The following LMF1 variants were observed in gnomAD, a reference collection of about 807,000 sequenced individuals.
LMF1 encodes the protein lipase maturation factor 1.
A neutral mutation model predicts 60.6 loss-of-function variants in LMF1; 68 were observed. The observed-to-expected ratio is 1.12, with a 90% CI of 0.92 to 1.37. LMF1 has a LOEUF of 1.37. Among genes scored for constraint, LMF1 ranks in the 40% most tolerant of loss-of-function variants. The pLI, the probability that LMF1 is intolerant of heterozygous loss-of-function variation, is 0.00. For missense variants in LMF1, 948 were observed against 767.2 expected, an observed-to-expected ratio of 1.24 and a Z score of -2.78; for synonymous variants, 418 against 324.7, an observed-to-expected ratio of 1.29 and a Z score of -3.09.
Position 947,508 on chromosome 16 carries a change from C to T in LMF1, c.503+6849G>A, listed in dbSNP as rs1051039083. On this transcript the variant is annotated intron_variant, in intron 2 of 10. Transcript: ENST00000262301. ...CTCCCAGCGTCCCCTCCAGCCCTGG[C>T]GCTGCTCTCAGTACTCTTTGAAGTG... 1.2e-4 allele frequency: 56 copies of T among 456,098 alleles called. 1 individual carries two copies. Among genetic ancestry groups the T allele is most frequent in the South Asian group, 3.3e-4 (21 of 64,566 alleles). 28.3% of individuals were successfully genotyped at this position (456,098 alleles called of 1,614,324 possible).
In LMF1 at chr16:970,775, G is replaced by T; in HGVS notation, c.193+13C>A. 1.1e-5 allele frequency: 16 copies of T among 1,514,684 alleles called. No individual in the cohort carries two copies. The highest frequency in any genetic ancestry group is 1.4e-5 in the Non-Finnish European group (16 of 1,127,254). 93.8% of individuals were successfully genotyped at this position (1,514,684 alleles called of 1,614,324 possible). A position where few individuals can be genotyped will look rare whatever the true frequency, so the allele number is the denominator to read the frequency against. ...TGACACTGGCGGATGTCCCGGGCCC[G>T]CCCGGCACTCACAGTACACGAAGGC... On this transcript the variant is annotated intron_variant, in intron 1 of 10. Transcript: ENST00000262301.
intron 10 of LMF1, among the ~76,000 whole-genome samples, chr16:857,211 T>C (rs1176857688): frequency 6.6e-6 from 1 of 152,264 alleles, no homozygotes; most frequent in Non-Finnish European, 1.5e-5. Flanking sequence ...CTGTGACGGC[T>C]GCCGTAAACC....
At chr16:929,559 G>C (rs35712783) in intron 3 of LMF1, among the ~76,000 whole-genome samples, 4,921 of 152,338 alleles carry the variant, frequency 0.032, 134 homozygotes, top group African/African-American at 0.052. Flanking sequence ...AGGGCGGCTG[G>C]AAGCTCGAGA....
chr16:855,026 G>A (rs1373923224), intron 10 of LMF1: 3 of 458,270 alleles, frequency 6.5e-6, no homozygotes, highest in African/African-American at 2.0e-5. Flanking sequence ...GGGTGGCACT[G>A]AGCAAGCCTG....
chr16:859,802 C>T (rs1190544073), intron 10 of LMF1, among the ~76,000 whole-genome samples: 1 of 102,032 alleles, frequency 9.8e-6, no homozygotes. Flanking sequence ...AGTGATGTCA[C>T]GAGATGGGTG....
intron 3 of LMF1, among the ~76,000 whole-genome samples, chr16:925,959 T>C (rs756706387): frequency 6.6e-5 from 10 of 152,102 alleles, no homozygotes; most frequent in Non-Finnish European, 1.2e-4. Context: ...TGTGTGCACG[T>C]GTGCACGTTT....
intron 6 of LMF1, chr16:872,136 G>A (rs2069815541): frequency 6.6e-6 from 1 of 152,244 alleles, no homozygotes; most frequent in African/African-American, 2.4e-5. Flanking sequence ...CGTTGCCGTG[G>A]AGGCATCAGG....
chr16:895,790 C>T (rs749787344), intron 4 of LMF1, among the ~76,000 whole-genome samples: 4 of 152,224 alleles, frequency 2.6e-5, no homozygotes, highest in Non-Finnish European at 5.9e-5. Flanking sequence ...CTGTTCCTCA[C>T]GTCACGTGAG....
Position 962,422 on chromosome 16 carries a change from G to A in LMF1, c.194-7756C>T, listed in dbSNP as rs992352239. 3.9e-5 allele frequency among the ~76,000 whole-genome samples: 6 copies of A among 152,188 alleles called. No homozygotes were observed. The highest frequency in any genetic ancestry group is 5.9e-5 in the Non-Finnish European group (4 of 68,026). ...GAGGCGGGGGCTGGACCCAGTGAGC[G>A]GCTTCCAGAGGACAGAGCGGGCGGG... On this transcript the variant is annotated intron_variant, in intron 1 of 10. Coordinates refer to ENST00000262301, the MANE Select transcript of LMF1 (RefSeq NM_022773.4). This position sits in a 1 kb window ranked among gnomAD's most constrained non-coding sequence, Gnocchi z 4.5.
intron 8 of LMF1, 122 bp from the exon 9 acceptor site, chr16:870,188 C>T (rs915965416): frequency 3.5e-6 from 4 of 1,131,400 alleles, no homozygotes; most frequent in Non-Finnish European, 5.0e-6. Flanking sequence ...ACAGCCTCCA[C>T]CTGCCTCCTG....
intron 3 of LMF1, among the ~76,000 whole-genome samples, chr16:920,068 T>C (rs1411372262): frequency 6.6e-6 from 1 of 150,484 alleles, no homozygotes; most frequent in Admixed American, 6.6e-5. Flanking sequence ...CAACACGACA[T>C]CCACAATGGC....
At chr16:912,673 C>A (rs1326847782) in intron 3 of LMF1, among the ~76,000 whole-genome samples, 1 of 152,242 alleles carries the variant, frequency 6.6e-6, no homozygotes, top group Admixed American at 6.5e-5. Flanking sequence ...GCTCACGCCC[C>A]AGGCTCGCTG....
At chr16:911,239 G>GC in intron 3 of LMF1, 160 bp from the exon 4 acceptor site, 1 of 851,106 alleles carries the variant, frequency 1.2e-6, no homozygotes, top group South Asian at 1.5e-5. Flanking sequence ...ACATCGACAC[G>GC]CAAGGTCAGG....
upstream of LMF1, among the ~76,000 whole-genome samples, chr16:974,619 C>A (rs548255726): frequency 6.6e-6 from 1 of 152,218 alleles, no homozygotes; most frequent in Non-Finnish European, 1.5e-5. Context: ...TAGGTGGGAC[C>A]CTGTCCCCGC....
chr16:868,914 C>A, intron 10 of LMF1, 30 bp downstream of exon 10: 1 of 1,420,508 alleles, frequency 7.0e-7, no homozygotes, highest in Non-Finnish European at 9.9e-7. Context: ...TGGGGGAGAC[C>A]CCTGAGCAGC....
chr16:935,127 C>A, intron 2 of LMF1, among the ~76,000 whole-genome samples: 1 of 150,848 alleles, frequency 6.6e-6, no homozygotes, highest in Middle Eastern at 3.4e-3. Context: ...TTTTGAGACA[C>A]GGTCTCATTC....
In LMF1 at chr16:954,834, T is replaced by C. The variant is rs3829491; in HGVS notation, c.194-168A>G. On this transcript the variant is annotated intron_variant, in intron 1 of 10. Transcript: ENST00000262301. ...AGGAGTCTGAGTACTTTCTCAAGAT[T>C]TTGGGGGAAACACTGGAAAAGCCAA... Among the ~76,000 whole-genome samples the C allele has an allele frequency of 0.49, 74,283 of 151,372 alleles. 20,313 individuals carry two copies. Among genetic ancestry groups the C allele is most frequent in the African/African-American group, 0.74 (30,579 of 41,374 alleles).
chr16:896,626 C>A (rs1264913660), intron 4 of LMF1, among the ~76,000 whole-genome samples: 1 of 152,192 alleles, frequency 6.6e-6, no homozygotes, highest in Non-Finnish European at 1.5e-5. Context: ...GCTGCCCACA[C>A]CCAGGGGAGC....
chr16:877,671 G>A (rs1013037499), intron 6 of LMF1, among the ~76,000 whole-genome samples: 4 of 152,312 alleles, frequency 2.6e-5, no homozygotes, highest in African/African-American at 9.6e-5. Context: ...CATCGTGAGA[G>A]GCAGTGCGCG....
Sources: gnomAD v4.1 joint callset for allele counts (sites outside exome capture counted in the v4.1 genomes callset) on GRCh38, gnomAD v4.1.1 for gene constraint, Gnocchi (gnomAD v3.1) non-coding constraint, MANE v1.5 for transcripts, NCBI Gene and HGNC (gene_info 2026-07-23, HGNC 2026-07-21) for gene names.